The following TRIM9 variants were observed in gnomAD, a reference collection of about 807,000 sequenced individuals.
The protein encoded by TRIM9 is tripartite motif containing 9.
A neutral mutation model predicts 78.3 loss-of-function variants in TRIM9; 26 were observed. The observed-to-expected ratio is 0.33, with a 90% CI of 0.24 to 0.46. The LOEUF is 0.46. TRIM9 is among the 20% of genes least tolerant of loss of function. The pLI, the probability that TRIM9 is intolerant of heterozygous loss-of-function variation, is 1.00. For synonymous variants in TRIM9, 398 were observed against 416.5 expected, an observed-to-expected ratio of 0.96 and a Z score of 0.54; for missense variants, 787 against 1,036.4, an observed-to-expected ratio of 0.76 and a Z score of 3.30.
chr14:51,071,060 G>A (rs111945202), intron 1 of TRIM9, among the ~76,000 whole-genome samples: 15 of 152,068 alleles, frequency 9.9e-5, no homozygotes, highest in African/African-American at 2.2e-4. Context: ...TGATGGGGAC[G>A]ACAAAATAAG....
intron 1 of TRIM9, chr14:51,091,075 AG>A (rs1284880883): frequency 1.3e-5 from 2 of 152,234 alleles, no homozygotes; most frequent in Non-Finnish European, 2.9e-5. Context: ...AAAGGAATAT[AG>A]TTAAGTACTG....
intron 7 of TRIM9, among the ~76,000 whole-genome samples, chr14:50,989,766 G>A (rs372086608): frequency 2.6e-5 from 4 of 152,146 alleles, no homozygotes; most frequent in Non-Finnish European, 4.4e-5. Flanking sequence ...TAACGAATAC[G>A]TATCAAGATA....
chr14:51,045,912 C>G (rs61985046), intron 1 of TRIM9, among the ~76,000 whole-genome samples: 29,355 of 151,686 alleles, frequency 0.19, 3,228 homozygotes, highest in Non-Finnish European at 0.25. Context: ...ATCCAGGAAT[C>G]AACTTCAATT....
chr14:51,057,918 A>G (rs2061015718), intron 1 of TRIM9, among the ~76,000 whole-genome samples: 1 of 152,242 alleles, frequency 6.6e-6, no homozygotes. Flanking sequence ...GTTAAAGACA[A>G]TTTATTGAAA....
intron 1 of TRIM9, among the ~76,000 whole-genome samples, chr14:51,072,629 T>C (rs2062392075): frequency 6.7e-6 from 1 of 149,728 alleles, no homozygotes; most frequent in South Asian, 2.1e-4. Flanking sequence ...ATTACTTTCT[T>C]GAGGTTATTG....
chr14:51,068,748 A>G (rs1008204127), intron 1 of TRIM9, among the ~76,000 whole-genome samples: 1 of 152,186 alleles, frequency 6.6e-6, no homozygotes, highest in African/African-American at 2.4e-5. Context: ...AGGTGTGATG[A>G]GGCCAGCCCA....
At chr14:51,066,104 G>A (rs2061715125) in intron 1 of TRIM9, among the ~76,000 whole-genome samples, 1 of 138,342 alleles carries the variant, frequency 7.2e-6, no homozygotes, top group African/African-American at 2.7e-5. Flanking sequence ...AGGGAGGGAC[G>A]GAGGGAGGGA....
chr14:50,992,355 A>T (rs2053618295), intron 7 of TRIM9, among the ~76,000 whole-genome samples: 1 of 151,966 alleles, frequency 6.6e-6, no homozygotes, highest in African/African-American at 2.4e-5. Flanking sequence ...AGGCATGAGG[A>T]TCGCTTGAGG....
At chr14:51,015,243 G>A (rs940471112) in intron 3 of TRIM9, among the ~76,000 whole-genome samples, 3 of 152,138 alleles carry the variant, frequency 2.0e-5, no homozygotes, top group East Asian at 3.9e-4. Flanking sequence ...TCAGGAGAGA[G>A]TACACAATAC....
intron 1 of TRIM9, 63 bp downstream of exon 1, chr14:51,094,055 T>C (rs2064708341): frequency 2.6e-6 from 4 of 1,517,062 alleles, no homozygotes; most frequent in Admixed American, 3.5e-5. Flanking sequence ...ACGGGGACCG[T>C]CTGCTGCAAA....
At chr14:50,984,675 TA>T in intron 8 of TRIM9, among the ~76,000 whole-genome samples, 1 of 152,352 alleles carries the variant, frequency 6.6e-6, no homozygotes, top group Non-Finnish European at 1.5e-5. Flanking sequence ...TCAAAACAAA[TA>T]TTCTGAAATC....
chr14:51,034,765 T>C (rs2059001210), intron 1 of TRIM9, among the ~76,000 whole-genome samples: 4 of 152,222 alleles, frequency 2.6e-5, no homozygotes, highest in Admixed American at 2.0e-4. Flanking sequence ...GTTAATAGCA[T>C]GGATTCTGGC....
At chr14:51,010,799 A>C (rs1448761668) in intron 3 of TRIM9, among the ~76,000 whole-genome samples, 1 of 152,150 alleles carries the variant, frequency 6.6e-6, no homozygotes. Flanking sequence ...TTTGCCCTGC[A>C]CTTTTCTGTG....
chr14:51,069,399 G>GA (rs1386283946), intron 1 of TRIM9, among the ~76,000 whole-genome samples: 1 of 152,106 alleles, frequency 6.6e-6, no homozygotes, highest in African/African-American at 2.4e-5. Context: ...GTGGTGTAGG[G>GA]ATGGATACAC....
chr14:51,038,971 A>T (rs1416139581), intron 1 of TRIM9, among the ~76,000 whole-genome samples: 1 of 152,248 alleles, frequency 6.6e-6, no homozygotes, highest in Non-Finnish European at 1.5e-5. Context: ...ATACCAGCTT[A>T]TTTAAACTTT....
At chr14:51,023,049 G>A (rs2057907105) in intron 2 of TRIM9, 92 bp from the exon 3 acceptor site, 1 of 1,525,480 alleles carries the variant, frequency 6.6e-7, no homozygotes, top group Non-Finnish European at 8.9e-7. Flanking sequence ...TGAAGGGAAT[G>A]AAAAGGAACT....
At chr14:51,004,128 T>G (rs2055448757) in intron 5 of TRIM9, among the ~76,000 whole-genome samples, 1 of 152,198 alleles carries the variant, frequency 6.6e-6, no homozygotes, top group African/African-American at 2.4e-5. Context: ...ATAGCTATAT[T>G]GATTTTTACA....
Position 51,076,120 on chromosome 14 carries a change from A to G in TRIM9, c.822+17998T>C, listed in dbSNP as rs532336277. ...ATCTCATTGATCCTGCTCTATAACT[A>G]TAGGAGGTGGTGTGTTGCCTGTTTC... On this transcript the variant is annotated intron_variant, in intron 1 of 12. Transcript: ENST00000684578. Among the ~76,000 whole-genome samples, 86 of 152,300 alleles carry G rather than the reference A, an allele frequency of 5.6e-4. 4 individuals carry two copies. Among genetic ancestry groups the G allele is most frequent in the African/African-American group, 2.0e-3 (83 of 41,568 alleles).
At chr14:50,992,247 G>A (rs2053605028) in intron 7 of TRIM9, among the ~76,000 whole-genome samples, 1 of 152,192 alleles carries the variant, frequency 6.6e-6, no homozygotes, top group Middle Eastern at 3.4e-3. Flanking sequence ...AGCACATCAG[G>A]GTGCAGTACT....
Sources: gnomAD v4.1 joint callset for allele counts (sites outside exome capture counted in the v4.1 genomes callset) on GRCh38, gnomAD v4.1.1 for gene constraint, MANE v1.5 for transcripts, NCBI Gene and HGNC (gene_info 2026-07-23, HGNC 2026-07-21) for gene names.